TMPRSS5: variants seen among roughly 807,000 people sequenced by gnomAD.
TMPRSS5 encodes transmembrane serine protease 5, also known as transmembrane protease serine 5.
A neutral mutation model predicts 59.7 loss-of-function variants in TMPRSS5; 45 were observed. That is an observed-to-expected ratio of 0.75 (90% CI 0.59 to 0.97). The LOEUF is 0.97. Among genes scored for constraint, TMPRSS5 ranks in the 50% least tolerant of loss-of-function variants. The pLI is 0.00. For synonymous variants in TMPRSS5, 225 were observed against 232.0 expected, an observed-to-expected ratio of 0.97 and a Z score of 0.27; for missense variants, 585 against 596.7, an observed-to-expected ratio of 0.98 and a Z score of 0.20.
intron 4 of TMPRSS5, among the ~76,000 whole-genome samples, chr11:113,698,380 G>A (rs1952987244): frequency 6.6e-6 from 1 of 152,194 alleles, no homozygotes; most frequent in Non-Finnish European, 1.5e-5. Flanking sequence ...GCAACAAGAA[G>A]TAATGTGCCC....
intron 9 of TMPRSS5, 21 bp downstream of exon 9, chr11:113,693,050 A>C (rs1271914179): frequency 1.0e-5 from 14 of 1,386,408 alleles, no homozygotes; most frequent in Non-Finnish European, 1.4e-5. Flanking sequence ...CAGCCTGCCC[A>C]CCCTCAAGCC....
Position 113,690,390 on chromosome 11 carries a change from G to C in TMPRSS5, c.1064-17C>G, listed in dbSNP as rs1952740102. ...AGCTGTAAGCTATGAGAGACACCGA[G>C]AAAAACTGCAGGGCACAAAGCAAGG... On this transcript the variant is annotated splice_polypyrimidine_tract_variant and intron_variant, in intron 10 of 12. Transcript: ENST00000299882. 8.8e-6 allele frequency: 14 copies of C among 1,597,570 alleles called. No homozygotes were observed. Among genetic ancestry groups the C allele is most frequent in the Non-Finnish European group, 1.1e-5 (13 of 1,174,642 alleles).
rs371532853 is a variant in TMPRSS5, at chr11:113,690,251, C to T, written c.1186G>A (p.Gly396Arg). 11 of 1,551,956 alleles carry T rather than the reference C, an allele frequency of 7.1e-6. No individual in the cohort carries two copies. Among genetic ancestry groups the T allele is most frequent in the South Asian group, 4.8e-5 (4 of 84,034 alleles). ...CACACCTGGCATGCATCAGCCCTTCCGTCCAGGTAGCCAGCGCAAAGCATG... is the reference window on the plus strand; with the variant it reads ...CACACCTGGCATGCATCAGCCCTTCTGTCCAGGTAGCCAGCGCAAAGCATG... ...PRMLCAGYLD[G>R]RADACQGDSG... Residue 396 changes from glycine (G) to arginine (R), a missense_variant, in exon 11 of 13, where the codon GGA (glycine) becomes AGA (arginine). By Grantham distance (125) the Gly-to-Arg change is moderately radical. Transcript: ENST00000299882.
intron 12 of TMPRSS5, 100 bp downstream of exon 12, chr11:113,689,665 C>T: frequency 7.3e-7 from 1 of 1,364,616 alleles, no homozygotes. Flanking sequence ...AGCACCCTCC[C>T]CAGTCCCCAG....
chr11:113,690,175 T>TCCCCCCCCCCCCCCC, intron 11 of TMPRSS5, 56 bp downstream of exon 11: 7 of 159,586 alleles, frequency 4.4e-5, no homozygotes, highest in South Asian at 8.9e-5. Context: ...GCAGGCCCCC[T>TCCCCCCCCCCCCCCC]GCCCTCCCAC....
At chr11:113,705,347 A>T (rs1953262773) in intron 1 of TMPRSS5, among the ~76,000 whole-genome samples, 1 of 152,160 alleles carries the variant, frequency 6.6e-6, no homozygotes, top group Non-Finnish European at 1.5e-5. Context: ...CCCGAAAATC[A>T]TTCCACTGGA....
intron 6 of TMPRSS5, among the ~76,000 whole-genome samples, 172 bp from the exon 7 acceptor site, chr11:113,695,615 A>C (rs1391646847): frequency 2.0e-5 from 3 of 151,900 alleles, no homozygotes; most frequent in Non-Finnish European, 2.9e-5. Flanking sequence ...CCACCCAAAC[A>C]CTCAGACCCC....
At chr11:113,696,284 C>T (rs576846449) in intron 6 of TMPRSS5, among the ~76,000 whole-genome samples, 8 of 152,274 alleles carry the variant, frequency 5.3e-5, no homozygotes, top group Non-Finnish European at 1.0e-4. Context: ...TAGGAAGGCA[C>T]AAAGACCCTC....
Position 113,693,224 on chromosome 11 carries a change from AG to A in TMPRSS5, c.810del (p.Trp271GlyfsTer42). On this transcript the variant is annotated frameshift_variant, in exon 9 of 13. Transcript: ENST00000299882. LOFTEE classifies it high-confidence loss of function. ...CTGACCAGCCCCGCATGAACCCGCC[AG>A]CTGGACAGGCGGGCCAGCCTGAAAC... is the stretch of plus-strand genomic sequence containing the variant. ...MHSFRLARLS[S>X]WRVHAGLVSH... The A allele has an allele frequency of 1.3e-6, 2 of 1,581,520 alleles. No homozygotes were observed. The highest frequency in any genetic ancestry group is 1.7e-6 in the Non-Finnish European group (2 of 1,161,814).
chr11:113,706,173 A>C, intron 1 of TMPRSS5, 49 bp downstream of exon 1: 1 of 1,581,796 alleles, frequency 6.3e-7, no homozygotes, highest in East Asian at 2.3e-5. Flanking sequence ...GGAGAGAGAA[A>C]GAAAGAGAGA....
chr11:113,690,236 A>G lies in TMPRSS5; in HGVS notation c.1201T>C (p.Cys401Arg), dbSNP rs373782759. ...AGYLDGRADA[C>R]QGDSGGPLVC... is the part of the protein sequence containing the mutation. ...CCAGCCACCACAGGCCACACCTGGC[A>G]TGCATCAGCCCTTCCGTCCAGGTAG... The change falls in exon 11 of 13, where the codon TGC becomes CGC. Residue 401 changes from cysteine to arginine, a missense_variant. By Grantham distance (180) the Cys-to-Arg change is radical. Coordinates refer to ENST00000299882, the MANE Select transcript of TMPRSS5 (RefSeq NM_030770.4). 7.2e-6 allele frequency: 10 copies of G among 1,383,458 alleles called. No homozygotes were observed. The African/African-American group carries it at 1.4e-4, about 19-fold the overall frequency. 85.7% of individuals were successfully genotyped at this position (1,383,458 alleles called of 1,614,324 possible). A position where few individuals can be genotyped will look rare whatever the true frequency, so the allele number is the denominator to read the frequency against.
rs907854694 is a variant in TMPRSS5, at chr11:113,691,468, C to T, written c.965-529G>A. Among the ~76,000 whole-genome samples, 6 of 152,188 alleles carry T rather than the reference C, an allele frequency of 3.9e-5. No individual in the cohort carries two copies. The East Asian group carries it at 7.7e-4, about 20-fold the overall frequency. ...GGTCTGTGCCTTTCTTACTGCCTGC[C>T]GTCCTCCCACCAAACAGGAGACAGC... is the stretch of plus-strand genomic sequence containing the variant. On this transcript the variant is annotated intron_variant, in intron 9 of 12. Coordinates refer to ENST00000299882, the MANE Select transcript of TMPRSS5 (RefSeq NM_030770.4).
intron 2 of TMPRSS5, 21 bp from the exon 3 acceptor site, chr11:113,699,714 G>A (rs765177011): frequency 1.3e-6 from 2 of 1,552,728 alleles, no homozygotes; most frequent in African/African-American, 2.7e-5. Flanking sequence ...GGGCAGAGGG[G>A]TATCTGGGTC....
At position 113,706,211 on chromosome 11, in the gene TMPRSS5, C is replaced by T. The variant is rs746866991; in HGVS notation, c.3+11G>A. The T allele has an allele frequency of 3.4e-5, 54 of 1,599,910 alleles. No homozygotes were observed. The highest frequency in any genetic ancestry group is 3.5e-5 in the Non-Finnish European group (41 of 1,173,522). On this transcript the variant is annotated intron_variant, in intron 1 of 12. Coordinates refer to ENST00000299882, the MANE Select transcript of TMPRSS5 (RefSeq NM_030770.4). ...GGCCACAGCAGGGATGGCACAGAGA[C>T]GTAACCTTACCATAGGGGTCAGTGG...
intron 5 of TMPRSS5, 49 bp downstream of exon 5, chr11:113,697,234 C>T (rs553040950): frequency 1.3e-6 from 2 of 1,577,214 alleles, no homozygotes; most frequent in Non-Finnish European, 1.7e-6. Flanking sequence ...TCCCATCCCA[C>T]ACCAGCCAGG....
At chr11:113,701,958 C>T (rs187193056) in intron 1 of TMPRSS5, among the ~76,000 whole-genome samples, 255 of 152,156 alleles carry the variant, frequency 1.7e-3, no homozygotes, top group African/African-American at 5.5e-3. Context: ...CCCCTTGTCC[C>T]CCACCCCCAG....
chr11:113,702,816 C>T (rs751917198), intron 1 of TMPRSS5, among the ~76,000 whole-genome samples: 4 of 152,242 alleles, frequency 2.6e-5, no homozygotes, highest in Non-Finnish European at 5.9e-5. Flanking sequence ...CCTTGGCAGC[C>T]TCCTTGTGGT....
chr11:113,702,061 T>TTTCA (rs1476556001), intron 1 of TMPRSS5, among the ~76,000 whole-genome samples: 1 of 127,776 alleles, frequency 7.8e-6, no homozygotes, highest in East Asian at 1.9e-4. Flanking sequence ...TGTTTCTGTG[T>TTTCA]TAGTCTGCTG....
At chr11:113,689,683 C>G in intron 12 of TMPRSS5, 82 bp downstream of exon 12, 1 of 1,485,482 alleles carries the variant, frequency 6.7e-7, no homozygotes, top group South Asian at 1.3e-5. Context: ...CAGCAGGGCC[C>G]GGGCCTAAGG....
Sources: allele counts gnomAD v4.1 joint callset (sites outside exome capture counted in the v4.1 genomes callset), GRCh38; gene constraint gnomAD v4.1.1; transcripts MANE v1.5; gene names NCBI Gene and HGNC (gene_info 2026-07-23, HGNC 2026-07-21).